Variants in MOB2 observed in about 807,000 individuals in gnomAD.
MOB2 encodes the protein MOB2 Mps One Binder homolog.
MOB2 carries 14 observed loss-of-function variants against 27.4 expected under a neutral mutation model. The ratio of observed to expected loss-of-function variants is 0.51; its 90% CI spans 0.34 to 0.80. MOB2 has a LOEUF of 0.80. Among genes scored for constraint, MOB2 ranks in the 30% least tolerant of loss-of-function variants. The pLI, the probability that MOB2 is intolerant of heterozygous loss-of-function variation, is 0.01. For synonymous variants in MOB2, 167 were observed against 151.8 expected (o/e 1.10, Z -0.74); for missense variants, 304 against 354.6 (o/e 0.86, Z 1.15).
Position 1,480,756 on chromosome 11 carries a change from C to T in MOB2, c.240G>A (p.Glu80=). ...TGGCCAGCCACTCGTTAAGGTCAAT[C>T]TCGCGGGGCAGCACCACCAGCTCCT... The part of the protein sequence containing the change: ...QFKELVVLPR[E]IDLNEWLASN... Residue 80 remains glutamate (E), a synonymous_variant, in exon 2 of 5, where the codon GAG becomes GAA. Transcript: ENST00000329957. 6.2e-7 allele frequency: 1 copy of T among 1,606,678 alleles called. No homozygotes were observed. Among genetic ancestry groups the T allele is most frequent in the Non-Finnish European group, 8.5e-7 (1 of 1,177,136 alleles).
intron 3 of MOB2, among the ~76,000 whole-genome samples, chr11:1,477,723 C>T (rs376828010): frequency 3.3e-5 from 5 of 152,144 alleles, no homozygotes; most frequent in African/African-American, 4.8e-5. Context: ...CTTCCAGAAC[C>T]GCAAGAAATA....
intron 3 of MOB2, among the ~76,000 whole-genome samples, chr11:1,479,943 AG>A (rs1257766098): frequency 3.9e-5 from 6 of 152,206 alleles, no homozygotes; most frequent in Non-Finnish European, 5.9e-5. Flanking sequence ...CAGTGCTTCC[AG>A]GAGAGAGCTA....
At chr11:1,482,979 C>G (rs537551474) in intron 1 of MOB2, among the ~76,000 whole-genome samples, 6 of 152,342 alleles carry the variant, frequency 3.9e-5, no homozygotes, top group East Asian at 1.9e-4. Context: ...GCCCATTGCT[C>G]GGTCCAAGCC....
chr11:1,483,301 G>A (rs1847936648), intron 1 of MOB2, among the ~76,000 whole-genome samples: 1 of 152,210 alleles, frequency 6.6e-6, no homozygotes. Context: ...GAGGACTGTG[G>A]GAGCAGGCCC....
chr11:1,471,611 G>C (rs1847792191), intron 3 of MOB2, 192 bp from the exon 4 acceptor site: 1 of 610,746 alleles, frequency 1.6e-6, no homozygotes, highest in African/African-American at 1.9e-5. Flanking sequence ...TGCACTCTAT[G>C]GAGGGGTCTG....
At position 1,471,308 on chromosome 11, in the gene MOB2, G is replaced by A. The variant is rs957068142; in HGVS notation, c.477C>T (p.Phe159=). ...GGGGAGACGAACCGTATTTTGTGGG[G>A]AACACGTCCTCATCCGTCACCAGCT... ...VQKLVTDEDV[F]PTKYGREFPS... is the part of the protein sequence containing the mutation. Residue 159 remains phenylalanine, a synonymous_variant, in exon 4 of 5, where the codon TTC becomes TTT. Coordinates refer to ENST00000329957, the MANE Select transcript of MOB2 (RefSeq NM_001172223.3). 1.2e-6 allele frequency: 2 copies of A among 1,612,878 alleles called. No homozygotes were observed. The highest frequency in any genetic ancestry group is 1.7e-6 in the Non-Finnish European group (2 of 1,179,596).
intron 3 of MOB2, 197 bp from the exon 4 acceptor site, chr11:1,471,616 G>A (rs1192534995): frequency 6.8e-6 from 4 of 590,368 alleles, no homozygotes; most frequent in South Asian, 5.0e-5. Flanking sequence ...TCTATGGAGG[G>A]GTCTGCCTGC....
chr11:1,478,476 A>T (rs1308682858), intron 3 of MOB2, among the ~76,000 whole-genome samples: 1 of 152,150 alleles, frequency 6.6e-6, no homozygotes, highest in Non-Finnish European at 1.5e-5. Context: ...GCACTGGAAG[A>T]TGTGTGGGGC....
At chr11:1,483,628 CT>C (rs1847939547) in intron 1 of MOB2, among the ~76,000 whole-genome samples, 2 of 152,208 alleles carry the variant, frequency 1.3e-5, no homozygotes, top group African/African-American at 4.8e-5. Flanking sequence ...GGTCTGCACC[CT>C]GTTTGTGGGC....
Position 1,469,719 on chromosome 11 carries a change from G to A in MOB2, c.*453C>T, listed in dbSNP as rs757755069. The A allele has an allele frequency of 6.9e-5, 32 of 460,814 alleles. No homozygotes were observed. The highest frequency in any genetic ancestry group is 1.1e-4 in the Non-Finnish European group (26 of 230,090). The allele number at this position is 460,814 out of a possible 1,614,324, so 28.5% of individuals were successfully genotyped here. On this transcript the variant is annotated 3_prime_UTR_variant, in exon 5 of 5. Coordinates refer to ENST00000329957, the MANE Select transcript of MOB2 (RefSeq NM_001172223.3). ...GCCAAGACTCCTGGCGAGGCCGGGA[G>A]AGGAGGGGTGAGAGGGAAGGAGGGT...
At chr11:1,470,851 C>T (rs1313111617) in intron 4 of MOB2, among the ~76,000 whole-genome samples, 1 of 152,244 alleles carries the variant, frequency 6.6e-6, no homozygotes, top group East Asian at 1.9e-4. Context: ...ATCTCCCGGG[C>T]CAGGACGGAG....
At position 1,483,334 on chromosome 11, in the gene MOB2, G is replaced by A. The variant is rs554277605; in HGVS notation, c.111-2449C>T. On this transcript the variant is annotated intron_variant, in intron 1 of 4. Transcript: ENST00000329957. ...CCCCGGCCGCAGGCAGGACAGAGAT[G>A]GCGCTGAAGGGACTGGGGAGTGGAC... Among the ~76,000 whole-genome samples, 4 of 152,350 alleles carry A rather than the reference G, an allele frequency of 2.6e-5. No homozygotes were observed. The East Asian group carries it at 5.8e-4, about 22-fold the overall frequency.
In MOB2 at chr11:1,481,049, G is replaced by A. The variant is rs866988438; in HGVS notation, c.111-164C>T. The A allele has an allele frequency of 1.2e-4, 101 of 837,614 alleles. 1 individual carries two copies. The highest frequency in any genetic ancestry group is 3.9e-4 in the South Asian group (23 of 58,794). 51.9% of individuals were successfully genotyped at this position (837,614 alleles called of 1,614,324 possible). On this transcript the variant is annotated intron_variant, in intron 1 of 4. Coordinates refer to ENST00000329957, the MANE Select transcript of MOB2 (RefSeq NM_001172223.3). Reference sequence around the variant, plus strand: ...CAAAGGACACCAACGGGACACCAACGGTGAGGCTGCTCCGCAGAGGGGCCA... The same window carrying A: ...CAAAGGACACCAACGGGACACCAACAGTGAGGCTGCTCCGCAGAGGGGCCA...
At chr11:1,482,169 G>A (rs994516716) in intron 1 of MOB2, among the ~76,000 whole-genome samples, 2 of 152,234 alleles carry the variant, frequency 1.3e-5, no homozygotes, top group African/African-American at 2.4e-5. Flanking sequence ...TTGGAGGGGT[G>A]GGTTGCAGTG....
chr11:1,469,887 C>T lies in MOB2; in HGVS notation c.*285G>A, dbSNP rs781542360. On this transcript the variant is annotated 3_prime_UTR_variant, in exon 5 of 5. Coordinates refer to ENST00000329957, the MANE Select transcript of MOB2 (RefSeq NM_001172223.3). ...GCACGGAGACCAGAGAAAGGAAAAC[C>T]CCACAGAAGAAAACTCAAAGCATCA... 3 of 729,200 alleles carry T rather than the reference C, an allele frequency of 4.1e-6. No individual in the cohort carries two copies. The South Asian group carries it at 4.4e-5, about 11-fold the overall frequency. 45.2% of individuals were successfully genotyped at this position (729,200 alleles called of 1,614,324 possible).
chr11:1,481,038 G>T, intron 1 of MOB2, 153 bp from the exon 2 acceptor site: 1 of 924,306 alleles, frequency 1.1e-6, no homozygotes, highest in Non-Finnish European at 1.6e-6. Context: ...GGACACCAAC[G>T]GGACACCAAC....
intron 3 of MOB2, chr11:1,472,904 A>G (rs1564908744): frequency 6.4e-6 from 1 of 156,822 alleles, no homozygotes; most frequent in African/African-American, 2.4e-5. Flanking sequence ...GTCTCTGGGC[A>G]CCCCTCTGCT....
chr11:1,470,176 C>T lies in MOB2; in HGVS notation c.803G>A (p.Arg268Lys), dbSNP rs753628418. Reference sequence around the variant, plus strand: ...CCCCTGTCCGGCCCGGGGGGCTCATCTCTCCTTCACGTGGTTCTGTGCTCC... The same window carrying T: ...CCCCTGTCCGGCCCGGGGGGCTCATTTCTCCTTCACGTGGTTCTGTGCTCC... The part of the protein sequence containing the change: ...GPGAQNHVKE[R>K] The change falls in exon 5 of 5, where the codon AGA (arginine) becomes AAA (lysine). Residue 268 changes from arginine to lysine, a missense_variant. Transcript: ENST00000329957. 34 of 1,599,706 alleles carry T rather than the reference C, an allele frequency of 2.1e-5. No homozygotes were observed. The highest frequency in any genetic ancestry group is 2.8e-5 in the Non-Finnish European group (33 of 1,173,654).
intron 1 of MOB2, among the ~76,000 whole-genome samples, chr11:1,484,689 T>C (rs1410105199): frequency 6.6e-6 from 1 of 152,054 alleles, no homozygotes; most frequent in Non-Finnish European, 1.5e-5. Flanking sequence ...TTCTGGGTGT[T>C]GAGGGGGGGC....
Sources: allele counts gnomAD v4.1 joint callset (sites outside exome capture counted in the v4.1 genomes callset), GRCh38; gene constraint gnomAD v4.1.1; transcripts MANE v1.5; gene names NCBI Gene and HGNC (gene_info 2026-07-23, HGNC 2026-07-21).